Variants in ATE1 observed in about 807,000 individuals in gnomAD.
ATE1 encodes arginyltransferase 1.
ATE1 carries 36 observed loss-of-function variants against 70.5 expected under a neutral mutation model. The observed-to-expected ratio is 0.51, with a 90% CI of 0.39 to 0.67. The LOEUF (loss-of-function observed/expected upper bound fraction) is 0.67, where lower values mean the gene tolerates loss of function less well. ATE1 is among the 30% of genes least tolerant of loss of function. The probability of loss-of-function intolerance (pLI) is 0.00; values close to 1 mark genes in which losing one functional copy is unlikely to be tolerated. For missense variants in ATE1, 593 were observed against 629.5 expected (o/e 0.94, Z 0.62); for synonymous variants, 232 against 219.3 (o/e 1.06, Z -0.51).
At chr10:121,895,921 C>T (rs1190024379) in intron 7 of ATE1, among the ~76,000 whole-genome samples, 3 of 138,830 alleles carry the variant, frequency 2.2e-5, no homozygotes, top group Non-Finnish European at 3.2e-5. Flanking sequence ...TGTCTCCCCC[C>T]ACCAAAAAAA....
chr10:121,780,119 C>T (rs1324487576), intron 11 of ATE1, among the ~76,000 whole-genome samples: 1 of 152,188 alleles, frequency 6.6e-6, no homozygotes, highest in Non-Finnish European at 1.5e-5. Flanking sequence ...AAGATTTCAT[C>T]AGAGTTTCAG....
chr10:121,892,511 T>TC (rs1950614438), intron 7 of ATE1, among the ~76,000 whole-genome samples: 2 of 151,086 alleles, frequency 1.3e-5, no homozygotes, highest in African/African-American at 2.4e-5. Context: ...TTTTTTTTTT[T>TC]TTTTTTTTGA....
At chr10:121,818,783 T>C (rs1947666354) in intron 10 of ATE1, among the ~76,000 whole-genome samples, 1 of 152,234 alleles carries the variant, frequency 6.6e-6, no homozygotes, top group African/African-American at 2.4e-5. Flanking sequence ...ATAAACAGGC[T>C]AGTTCATTTT....
At chr10:121,816,861 A>G (rs1947563178) in intron 10 of ATE1, among the ~76,000 whole-genome samples, 1 of 152,178 alleles carries the variant, frequency 6.6e-6, no homozygotes, top group Admixed American at 6.5e-5. Flanking sequence ...CCAAACATAA[A>G]CCAAATATAA....
intron 3 of ATE1, among the ~76,000 whole-genome samples, chr10:121,916,066 C>A (rs771023135): frequency 1.4e-5 from 2 of 144,810 alleles, no homozygotes; most frequent in Non-Finnish European, 3.0e-5. Context: ...GAAACCCCGT[C>A]TCTACAAAAA....
rs113391674 is a variant in ATE1, at chr10:121,838,262, C to T, written c.1158-1445G>A. Among the ~76,000 whole-genome samples, 920 of 152,104 alleles carry T rather than the reference C, an allele frequency of 6.0e-3. 13 individuals carry two copies. Among genetic ancestry groups the T allele is most frequent in the African/African-American group, 0.021 (874 of 41,482 alleles). On this transcript the variant is annotated intron_variant, in intron 9 of 11. Transcript: ENST00000224652. ...GGGTTGGCACCACATATAAATAAAA[C>T]CCAACCTCCCCACCCTCCTACAAGT...
At chr10:121,902,947 C>G (rs1348761188) in intron 5 of ATE1, among the ~76,000 whole-genome samples, 1 of 152,110 alleles carries the variant, frequency 6.6e-6, no homozygotes, top group Non-Finnish European at 1.5e-5. Flanking sequence ...CTCACTGCAA[C>G]CTCCGCCTCC....
intron 8 of ATE1, among the ~76,000 whole-genome samples, chr10:121,855,841 G>T (rs983963160): frequency 8.6e-5 from 13 of 151,794 alleles, no homozygotes; most frequent in Non-Finnish European, 1.3e-4. Flanking sequence ...TTGAGAGGCT[G>T]AGGTAGGAGG....
chr10:121,856,741 T>C (rs1374761471), intron 8 of ATE1, among the ~76,000 whole-genome samples: 3 of 152,178 alleles, frequency 2.0e-5, no homozygotes, highest in African/African-American at 7.2e-5. Context: ...TGCCAAAAAA[T>C]GGTGCTGGAA....
intron 10 of ATE1, among the ~76,000 whole-genome samples, chr10:121,816,843 C>G (rs562203709): frequency 5.9e-5 from 9 of 152,180 alleles, no homozygotes; most frequent in Non-Finnish European, 5.9e-5. Context: ...TAAAAAGAAG[C>G]CTTTCATCCA....
At chr10:121,846,350 C>G (rs141092809) in intron 8 of ATE1, among the ~76,000 whole-genome samples, 2 of 152,306 alleles carry the variant, frequency 1.3e-5, no homozygotes, top group East Asian at 1.9e-4. Flanking sequence ...AGACACAAAT[C>G]TCCCATGCAG....
chr10:121,805,088 A>G (rs1019502859), intron 10 of ATE1, among the ~76,000 whole-genome samples: 1 of 152,180 alleles, frequency 6.6e-6, no homozygotes, highest in Non-Finnish European at 1.5e-5. Context: ...TCTTTCCGCA[A>G]TAACAGCAGG....
chr10:121,927,482 CGCTCCCACCGCA>C, intron 1 of ATE1: 1 of 985,198 alleles, frequency 1.0e-6, no homozygotes, highest in African/African-American at 1.7e-5. Flanking sequence ...GCTCCCGGGA[CGCTCCCACCGCA>C]GCACCCACCG....
intron 8 of ATE1, among the ~76,000 whole-genome samples, chr10:121,860,915 T>A (rs554865366): frequency 6.6e-6 from 1 of 152,298 alleles, no homozygotes; most frequent in South Asian, 2.1e-4. Flanking sequence ...GTCAGTTCAA[T>A]TTGAGATTCC....
chr10:121,877,006 C>T (rs1950076665), intron 7 of ATE1, among the ~76,000 whole-genome samples: 2 of 151,698 alleles, frequency 1.3e-5, no homozygotes, highest in Admixed American at 6.6e-5. Context: ...CCAACATTAT[C>T]AGCAGCAAAC....
chr10:121,783,839 G>A (rs1043160199), intron 11 of ATE1, among the ~76,000 whole-genome samples: 2 of 152,094 alleles, frequency 1.3e-5, no homozygotes, highest in African/African-American at 4.8e-5. Flanking sequence ...AGAATTAAAT[G>A]AAATAAATGA....
At chr10:121,766,739 C>T (rs1178253669) in intron 11 of ATE1, among the ~76,000 whole-genome samples, 1 of 151,994 alleles carries the variant, frequency 6.6e-6, no homozygotes, top group Non-Finnish European at 1.5e-5. Flanking sequence ...CATAATTCAG[C>T]CAATATGAAA....
chr10:121,897,819 C>G (rs899211001), intron 7 of ATE1, among the ~76,000 whole-genome samples: 2 of 128,264 alleles, frequency 1.6e-5, no homozygotes, highest in African/African-American at 5.3e-5. Flanking sequence ...AGCAAGACTC[C>G]GTCTCAAAAA....
chr10:121,870,044 G>A lies in ATE1; in HGVS notation c.943-6C>T. ...CTGCAAAGGAATCTTGTGAACTGCA[G>A]TCAAATTTGAACAGAATCCATTTCA... On this transcript the variant is annotated splice_polypyrimidine_tract_variant and splice_region_variant and intron_variant, in intron 7 of 11. Coordinates refer to ENST00000224652, the MANE Select transcript of ATE1 (RefSeq NM_001001976.3). 3 of 1,609,708 alleles carry A rather than the reference G, an allele frequency of 1.9e-6. No homozygotes were observed. The highest frequency in any genetic ancestry group is 2.5e-6 in the Non-Finnish European group (3 of 1,176,934).
Sources: allele counts gnomAD v4.1 joint callset (sites outside exome capture counted in the v4.1 genomes callset), GRCh38; gene constraint gnomAD v4.1.1; transcripts MANE v1.5; gene names NCBI Gene and HGNC (gene_info 2026-07-23, HGNC 2026-07-21).